RASSF1: variants seen among roughly 807,000 people sequenced by gnomAD.
RASSF1 encodes Ras association domain family member 1.
RASSF1 carries 33 observed loss-of-function variants against 34.3 expected under a neutral mutation model. The observed-to-expected ratio is 0.96, with a 90% CI of 0.73 to 1.29. The LOEUF (loss-of-function observed/expected upper bound fraction) is 1.29, where lower values mean the gene tolerates loss of function less well. Among genes scored for constraint, RASSF1 ranks in the 50% most tolerant of loss-of-function variants. The pLI is 0.00. For synonymous variants in RASSF1, 191 were observed against 195.0 expected, an observed-to-expected ratio of 0.98 and a Z score of 0.17; for missense variants, 445 against 471.8, an observed-to-expected ratio of 0.94 and a Z score of 0.53.
In RASSF1 at chr3:50,330,288, A is replaced by C. The variant is rs893108872; in HGVS notation, c.*293T>G. On this transcript the variant is annotated 3_prime_UTR_variant, in exon 6 of 6. Transcript: ENST00000359365. This position sits in a 1 kb window ranked among gnomAD's most constrained non-coding sequence, Gnocchi z 4.5. ...CAAGATTTTCACTTCTGAGACAAAA[A>C]TTGAGGAGACTTCTGTCTGCACCAC... The C allele has an allele frequency of 8.7e-6, 3 of 345,686 alleles. No homozygotes were observed. Among genetic ancestry groups the C allele is most frequent in the Non-Finnish European group, 1.1e-5 (2 of 187,310 alleles). 21.4% of individuals were successfully genotyped at this position (345,686 alleles called of 1,614,324 possible). A position where few individuals can be genotyped will look rare whatever the true frequency, so the allele number is the denominator to read the frequency against.
intron 2 of RASSF1, 27 bp downstream of exon 2, chr3:50,337,878 C>T (rs1322212794): frequency 6.5e-7 from 1 of 1,549,112 alleles, no homozygotes; most frequent in Non-Finnish European, 8.9e-7. Flanking sequence ...CCTCGCCCTT[C>T]CCATACGCCC....
chr3:50,339,360 CTTTT>C (rs1017192174), intron 1 of RASSF1, among the ~76,000 whole-genome samples: 1 of 104,452 alleles, frequency 9.6e-6, no homozygotes. Context: ...CAGCCTTGTT[CTTTT>C]TTTTTTTTTT....
chr3:50,338,232 T>G, intron 1 of RASSF1: 1 of 1,376,570 alleles, frequency 7.3e-7, no homozygotes, highest in Non-Finnish European at 9.4e-7. Flanking sequence ...GCTCAACAGT[T>G]GGATCTCTAT....
At chr3:50,339,613 C>A (rs1703290095) in intron 1 of RASSF1, among the ~76,000 whole-genome samples, 1 of 152,110 alleles carries the variant, frequency 6.6e-6, no homozygotes, top group African/African-American at 2.4e-5. Context: ...AGGTGATCCA[C>A]CCGCCTCCGC....
At chr3:50,338,089 G>A in intron 1 of RASSF1, 78 bp from the exon 2 acceptor site, 1 of 1,522,902 alleles carries the variant, frequency 6.6e-7, no homozygotes, top group Non-Finnish European at 8.9e-7. Context: ...AAGCCCCAGG[G>A]AGAGGGCCGC....
chr3:50,337,518 C>A, intron 2 of RASSF1: 1 of 1,521,226 alleles, frequency 6.6e-7, no homozygotes, highest in Non-Finnish European at 8.8e-7. Flanking sequence ...GGGACACGCA[C>A]GCTTCGCCCC....
At position 50,338,294 on chromosome 3, in the gene RASSF1, CA is replaced by C. The variant is rs1328402060; in HGVS notation, c.251-284del. On this transcript the variant is annotated intron_variant, in intron 1 of 5. Transcript: ENST00000359365. ...TCATTGGCAATTAAAAAAACAACAA[CA>C]AAAAACTGCGTCTTGCTTTTGTCAC... 1.2e-5 allele frequency: 13 copies of C among 1,064,384 alleles called. No individual in the cohort carries two copies. In the African/African-American group the frequency reaches 1.3e-4, roughly 11 times the overall value. The allele number at this position is 1,064,384 out of a possible 1,614,324, so 65.9% of individuals were successfully genotyped here. A position where few individuals can be genotyped will look rare whatever the true frequency, so the allele number is the denominator to read the frequency against.
chr3:50,335,502 A>G (rs913638221), intron 2 of RASSF1, among the ~76,000 whole-genome samples: 4 of 151,826 alleles, frequency 2.6e-5, no homozygotes, highest in African/African-American at 9.7e-5. Flanking sequence ...TATTTTCAGT[A>G]CAGACGGGGT....
Position 50,331,543 on chromosome 3 carries a change from G to C in RASSF1, c.760+16C>G, listed in dbSNP as rs370791570. On this transcript the variant is annotated intron_variant, in intron 4 of 5. Transcript: ENST00000359365. ...TATATACCCTCACATAGGGCAGGGT[G>C]GGGTGGGAAGCCCACCTTGGCCGTG... is the stretch of plus-strand genomic sequence containing the variant. 3.4e-5 allele frequency: 53 copies of C among 1,581,616 alleles called. No homozygotes were observed. Among genetic ancestry groups the C allele is most frequent in the Non-Finnish European group, 4.3e-5 (50 of 1,156,932 alleles).
intron 5 of RASSF1, among the ~76,000 whole-genome samples, chr3:50,331,021 G>A (rs1702917101): frequency 6.6e-6 from 1 of 152,198 alleles, no homozygotes; most frequent in African/African-American, 2.4e-5. Context: ...ATACCTTGGA[G>A]CCAGAAAGCT....
At chr3:50,332,323 A>C (rs1162388311) in intron 2 of RASSF1, among the ~76,000 whole-genome samples, 169 bp from the exon 3 acceptor site, 1 of 152,162 alleles carries the variant, frequency 6.6e-6, no homozygotes, top group Non-Finnish European at 1.5e-5. Context: ...CTGGTTTTGC[A>C]TGCTCTGGGT....
intron 2 of RASSF1, 107 bp downstream of exon 2, chr3:50,337,798 G>A: frequency 1.7e-6 from 2 of 1,174,734 alleles, no homozygotes; most frequent in Non-Finnish European, 2.4e-6. Flanking sequence ...CGGGAAATCG[G>A]CAATTAGAAC....
chr3:50,331,456 A>G lies in RASSF1; in HGVS notation c.761-7T>C. On this transcript the variant is annotated splice_polypyrimidine_tract_variant and splice_region_variant and intron_variant, in intron 4 of 5. Transcript: ENST00000359365. The stretch of plus-strand genomic sequence containing the variant: ...AACAGCTTCCGCAAGTACACTGTGA[A>G]GGGGAAGTAATGATCAGAGACAGGG... The G allele has an allele frequency of 6.3e-7, 1 of 1,575,986 alleles. No homozygotes were observed. Among genetic ancestry groups the G allele is most frequent in the Admixed American group, 1.8e-5 (1 of 56,308 alleles).
At chr3:50,336,421 G>A (rs1206914796) in intron 2 of RASSF1, 1 of 152,154 alleles carries the variant, frequency 6.6e-6, no homozygotes. Context: ...ACAGTTCTCC[G>A]ATAATGGGGA....
At chr3:50,335,767 G>A (rs775285851) in intron 2 of RASSF1, among the ~76,000 whole-genome samples, 5 of 150,946 alleles carry the variant, frequency 3.3e-5, no homozygotes, top group Admixed American at 6.6e-5. Flanking sequence ...CACCATGCCC[G>A]GCTAATTTTT....
At chr3:50,336,670 G>A (rs1703149934) in intron 2 of RASSF1, 1 of 157,590 alleles carries the variant, frequency 6.3e-6, no homozygotes, top group Non-Finnish European at 1.4e-5. Context: ...GGCCAGAACA[G>A]GGAAGAGGTG....
In RASSF1 at chr3:50,332,138, C is replaced by A; in HGVS notation, c.374G>T (p.Trp125Leu). ...AGCTTGAGAAAGGTCAGGTGTCTCCCACTCCACAGGCTCGTCCTGCAAGAT... is the reference window on the plus strand; with the variant it reads ...AGCTTGAGAAAGGTCAGGTGTCTCCAACTCCACAGGCTCGTCCTGCAAGAT... Reference protein sequence around the residue: ...RDTNVDEPVEWETPDLSQAEI... With the variant: ...RDTNVDEPVELETPDLSQAEI... Residue 125 changes from tryptophan to leucine, a missense_variant, in exon 3 of 6, where the codon TGG (tryptophan) becomes TTG (leucine). By Grantham distance (61) the Trp-to-Leu change is moderately conservative. Coordinates refer to ENST00000359365, the MANE Select transcript of RASSF1 (RefSeq NM_007182.5). 1.9e-6 allele frequency: 3 copies of A among 1,614,196 alleles called. No homozygotes were observed. The highest frequency in any genetic ancestry group is 2.5e-6 in the Non-Finnish European group (3 of 1,180,038).
intron 2 of RASSF1, among the ~76,000 whole-genome samples, chr3:50,335,214 C>G (rs587657495): frequency 2.0e-5 from 3 of 151,958 alleles, no homozygotes; most frequent in African/African-American, 7.2e-5. Context: ...TTCCAAAGTG[C>G]TGGGATTAAA....
Position 50,330,331 on chromosome 3 carries a change from A to T in RASSF1, c.*250T>A, listed in dbSNP as rs1439119598. 1 of 465,846 alleles carries T rather than the reference A, an allele frequency of 2.1e-6. No homozygotes were observed. Among genetic ancestry groups the T allele is most frequent in the East Asian group, 3.7e-5 (1 of 27,082 alleles). The allele number at this position is 465,846 out of a possible 1,614,324, so 28.9% of individuals were successfully genotyped here. On this transcript the variant is annotated 3_prime_UTR_variant, in exon 6 of 6. Transcript: ENST00000359365. This position sits in a 1 kb window ranked among gnomAD's most constrained non-coding sequence, Gnocchi z 4.5. ...TGCACCACTCCTGCTGCAGGCCTGG[A>T]GCAGCTTCTCAGGGCAGCCCTGGCC... is the stretch of plus-strand genomic sequence containing the variant.
Sources: allele counts gnomAD v4.1 joint callset (sites outside exome capture counted in the v4.1 genomes callset), GRCh38; gene constraint gnomAD v4.1.1; non-coding constraint Gnocchi (gnomAD v3.1); transcripts MANE v1.5; gene names NCBI Gene and HGNC (gene_info 2026-07-23, HGNC 2026-07-21).